The following ANKS1B variants were observed in gnomAD, a reference collection of about 807,000 sequenced individuals.
The protein encoded by ANKS1B is ankyrin repeat and sterile alpha motif domain-containing protein 1B.
Under a neutral mutation model 148.3 loss-of-function variants are expected in ANKS1B, and 36 were observed. That is an observed-to-expected ratio of 0.24 (90% confidence interval 0.19 to 0.32). The LOEUF (loss-of-function observed/expected upper bound fraction) is 0.32, where lower values mean the gene tolerates loss of function less well. Ranked by LOEUF, ANKS1B falls within the 10% of genes least tolerant of loss-of-function variation. The probability of loss-of-function intolerance (pLI) is 1.00; values close to 1 mark genes in which losing one functional copy is unlikely to be tolerated. For missense variants in ANKS1B, 1,157 were observed against 1,542.6 expected, an observed-to-expected ratio of 0.75 and a Z score of 4.19; for synonymous variants, 542 against 560.8, an observed-to-expected ratio of 0.97 and a Z score of 0.47.
intron 17 of ANKS1B, among the ~76,000 whole-genome samples, chr12:99,031,163 G>C (rs188441553): frequency 1.0e-3 from 153 of 152,282 alleles, no homozygotes; most frequent in Middle Eastern, 6.8e-3. Context: ...TTATACACTT[G>C]ATGGGGTTAT....
At chr12:99,901,851 C>T (rs910012505) in intron 1 of ANKS1B, among the ~76,000 whole-genome samples, 15 of 152,236 alleles carry the variant, frequency 9.9e-5, no homozygotes, top group African/African-American at 3.4e-4. Flanking sequence ...CCCACCACTT[C>T]CTACCCATGT....
At chr12:99,804,444 TA>T (rs1455094692) in intron 4 of ANKS1B, among the ~76,000 whole-genome samples, 1 of 152,160 alleles carries the variant, frequency 6.6e-6, no homozygotes, top group Admixed American at 6.6e-5. Flanking sequence ...TGAGAAAAGA[TA>T]TTACAAATAT....
At chr12:99,363,855 T>C (rs932930651) in intron 12 of ANKS1B, among the ~76,000 whole-genome samples, 13 of 152,128 alleles carry the variant, frequency 8.5e-5, no homozygotes, top group Admixed American at 3.3e-4. Context: ...CCAACTTACA[T>C]GTAAACGGGA....
chr12:99,534,392 C>A (rs890922950), intron 9 of ANKS1B, among the ~76,000 whole-genome samples: 3 of 152,166 alleles, frequency 2.0e-5, no homozygotes, highest in Non-Finnish European at 4.4e-5. Context: ...TGTTTTCACT[C>A]ATCAAGGGAT....
intron 14 of ANKS1B, among the ~76,000 whole-genome samples, chr12:99,233,576 T>C (rs185476389): frequency 6.6e-6 from 1 of 152,158 alleles, no homozygotes; most frequent in South Asian, 2.1e-4. Context: ...GGCATTTGAG[T>C]CTGATTTCAA....
intron 9 of ANKS1B, among the ~76,000 whole-genome samples, chr12:99,541,117 T>C (rs2097121843): frequency 6.6e-6 from 1 of 152,156 alleles, no homozygotes; most frequent in Non-Finnish European, 1.5e-5. Flanking sequence ...AGAGATTGAA[T>C]TTGTAATTTC....
intron 14 of ANKS1B, among the ~76,000 whole-genome samples, chr12:99,161,173 T>C (rs1159138849): frequency 6.6e-6 from 1 of 152,196 alleles, no homozygotes; most frequent in Admixed American, 6.5e-5. Flanking sequence ...CACAGAATGT[T>C]TTTCCATTTT....
chr12:98,823,971 C>A (rs2099224236), intron 19 of ANKS1B, among the ~76,000 whole-genome samples: 2 of 152,226 alleles, frequency 1.3e-5, no homozygotes, highest in Non-Finnish European at 2.9e-5. Context: ...CCAGACATGG[C>A]AAAGTGTTTG....
intron 11 of ANKS1B, among the ~76,000 whole-genome samples, chr12:99,427,259 T>C (rs975519496): frequency 1.3e-5 from 2 of 152,196 alleles, no homozygotes; most frequent in Non-Finnish European, 2.9e-5. Flanking sequence ...AAATCTACAC[T>C]TCTTACCATG....
intron 9 of ANKS1B, among the ~76,000 whole-genome samples, chr12:99,509,604 G>C (rs1474260612): frequency 6.6e-6 from 1 of 151,940 alleles, no homozygotes; most frequent in African/African-American, 2.4e-5. Context: ...GAAGTTTGAA[G>C]CTGGCTGTGG....
chr12:99,475,364 T>G (rs1198028289), intron 10 of ANKS1B, among the ~76,000 whole-genome samples: 1 of 151,762 alleles, frequency 6.6e-6, no homozygotes, highest in Non-Finnish European at 1.5e-5. Flanking sequence ...TCAATACTTA[T>G]TGTGCATTCT....
At chr12:99,931,563 C>T (rs558370576) in intron 1 of ANKS1B, among the ~76,000 whole-genome samples, 12 of 152,140 alleles carry the variant, frequency 7.9e-5, no homozygotes, top group South Asian at 4.1e-4. Flanking sequence ...TTAAGGAGAA[C>T]ATTTTAATTA....
intron 9 of ANKS1B, among the ~76,000 whole-genome samples, chr12:99,530,919 C>G (rs558561827): frequency 3.3e-5 from 5 of 152,240 alleles, no homozygotes; most frequent in African/African-American, 1.2e-4. Context: ...CCAAGGATAC[C>G]TTTTAATACA....
At chr12:99,513,412 C>A (rs1208919117) in intron 9 of ANKS1B, among the ~76,000 whole-genome samples, 2 of 152,070 alleles carry the variant, frequency 1.3e-5, no homozygotes, top group African/African-American at 4.8e-5. Flanking sequence ...CAGAATTACA[C>A]TGTCTTGATT....
At chr12:99,825,050 G>T (rs1462374763) in intron 2 of ANKS1B, among the ~76,000 whole-genome samples, 1 of 152,096 alleles carries the variant, frequency 6.6e-6, no homozygotes, top group African/African-American at 2.4e-5. Context: ...GACTAGCATG[G>T]TCCTGTCAAT....
intron 15 of ANKS1B, among the ~76,000 whole-genome samples, chr12:99,088,914 T>C (rs2053037744): frequency 7.2e-6 from 1 of 138,770 alleles, no homozygotes; most frequent in Non-Finnish European, 1.5e-5. Context: ...GGCACGATCC[T>C]GGCTCACTGC....
At chr12:99,314,079 C>T (rs1486538113) in intron 12 of ANKS1B, among the ~76,000 whole-genome samples, 1 of 152,118 alleles carries the variant, frequency 6.6e-6, no homozygotes, top group African/African-American at 2.4e-5. Flanking sequence ...TCTCAGGATA[C>T]AAAATCAACG....
At chr12:99,628,613 T>C (rs1055685699) in intron 9 of ANKS1B, among the ~76,000 whole-genome samples, 4 of 152,198 alleles carry the variant, frequency 2.6e-5, no homozygotes, top group East Asian at 1.9e-4. Flanking sequence ...GTGTTGCTAT[T>C]AGTATAACAG....
chr12:99,550,502 T>G (rs1158992115), intron 9 of ANKS1B, among the ~76,000 whole-genome samples: 1 of 151,878 alleles, frequency 6.6e-6, no homozygotes, highest in Admixed American at 6.6e-5. Flanking sequence ...CTGGCACCTG[T>G]AATCCCAGGT....
Sources: gnomAD v4.1 joint callset for allele counts (sites outside exome capture counted in the v4.1 genomes callset) on GRCh38, gnomAD v4.1.1 for gene constraint, MANE v1.5 for transcripts, NCBI Gene and HGNC (gene_info 2026-07-23, HGNC 2026-07-21) for gene names.